RETREG1: variants seen among roughly 807,000 people sequenced by gnomAD.
The protein encoded by RETREG1 is reticulophagy regulator 1.
RETREG1 carries 44 observed loss-of-function variants against 54.8 expected under a neutral mutation model. That is an observed-to-expected ratio of 0.80 (90% CI 0.63 to 1.03). The LOEUF (loss-of-function observed/expected upper bound fraction) is 1.03, where lower values mean the gene tolerates loss of function less well. Ranked by LOEUF, RETREG1 falls within the 50% of genes least tolerant of loss-of-function variation. The pLI, the probability that RETREG1 is intolerant of heterozygous loss-of-function variation, is 0.00. For missense variants in RETREG1, 554 were observed against 605.1 expected, an observed-to-expected ratio of 0.92 and a Z score of 0.89; for synonymous variants, 217 against 238.5, an observed-to-expected ratio of 0.91 and a Z score of 0.83.
rs569154790 is a variant in RETREG1, at chr5:16,574,448, A to G, written c.321-2346T>C. Among the ~76,000 whole-genome samples, 65 of 152,332 alleles carry G rather than the reference A, an allele frequency of 4.3e-4. No homozygotes were observed. The South Asian group carries it at 6.0e-3, about 14-fold the overall frequency. On this transcript the variant is annotated intron_variant, in intron 1 of 8. Coordinates refer to ENST00000306320, the MANE Select transcript of RETREG1 (RefSeq NM_001034850.3). Reference sequence around the variant, plus strand: ...AGGAAGCATGGAGTCCAGACCACCTACTAGAAGGTCATGCAGTATGTTTGG... The same window carrying G: ...AGGAAGCATGGAGTCCAGACCACCTGCTAGAAGGTCATGCAGTATGTTTGG...
At chr5:16,586,676 C>T (rs985877027) in intron 1 of RETREG1, among the ~76,000 whole-genome samples, 2 of 152,166 alleles carry the variant, frequency 1.3e-5, no homozygotes, top group African/African-American at 2.4e-5. Context: ...CTAGAGAATG[C>T]GGTGTAACAG....
chr5:16,495,509 C>T (rs753262742), intron 3 of RETREG1, among the ~76,000 whole-genome samples: 1 of 152,202 alleles, frequency 6.6e-6, no homozygotes, highest in African/African-American at 2.4e-5. Flanking sequence ...GGACACTGCT[C>T]CCTATGTCCC....
intron 1 of RETREG1, among the ~76,000 whole-genome samples, chr5:16,577,419 T>G (rs1486281817): frequency 6.6e-6 from 1 of 151,988 alleles, no homozygotes; most frequent in East Asian, 1.9e-4. Context: ...AATCCCTGTC[T>G]AGTGGCTGAT....
intron 1 of RETREG1, among the ~76,000 whole-genome samples, chr5:16,605,572 G>A (rs593550): frequency 0.2 from 30,299 of 152,186 alleles, 3,340 homozygotes; most frequent in East Asian, 0.36. Flanking sequence ...TCAAACTAAG[G>A]TATCTCATTG....
intron 3 of RETREG1, chr5:16,508,888 A>G: frequency 7.7e-7 from 1 of 1,302,350 alleles, no homozygotes; most frequent in Non-Finnish European, 9.8e-7. Context: ...GTCACCTCTT[A>G]CTCCCAGTAC....
At position 16,550,274 on chromosome 5, in the gene RETREG1, T is replaced by TA. The variant is rs1307981920; in HGVS notation, c.458+15488_458+15489insT. On this transcript the variant is annotated intron_variant, in intron 3 of 8. Transcript: ENST00000306320. Reference sequence around the variant, plus strand: ...CTGCATAGTCCCTCCTCTTTAAAATTTAAAAAAAAAAAAGCGTTAAAGGAA... The same window carrying TA: ...CTGCATAGTCCCTCCTCTTTAAAATTATAAAAAAAAAAAAGCGTTAAAGGAA... Among the ~76,000 whole-genome samples the TA allele has an allele frequency of 2.6e-4, 18 of 69,804 alleles. No homozygotes were observed. In the East Asian group the frequency reaches 2.9e-3, roughly 11 times the overall value. The allele number at this position is 69,804 out of a possible 152,430, so 45.8% of individuals were successfully genotyped here.
intron 3 of RETREG1, among the ~76,000 whole-genome samples, chr5:16,519,991 G>A (rs2250531): frequency 8.6e-5 from 13 of 151,796 alleles, no homozygotes; most frequent in African/African-American, 2.9e-4. Context: ...CACCCCTACC[G>A]CCTGACCCTG....
chr5:16,517,995 A>C (rs897203455), intron 3 of RETREG1, among the ~76,000 whole-genome samples: 2 of 151,566 alleles, frequency 1.3e-5, no homozygotes, highest in African/African-American at 4.8e-5. Flanking sequence ...TATAGTTAGT[A>C]AAAGAGAGAG....
At position 16,524,843 on chromosome 5, in the gene RETREG1, C is replaced by T. The variant is rs145046994; in HGVS notation, c.458+40920G>A. On this transcript the variant is annotated intron_variant, in intron 3 of 8. Coordinates refer to ENST00000306320, the MANE Select transcript of RETREG1 (RefSeq NM_001034850.3). The stretch of plus-strand genomic sequence containing the variant: ...CCAGGAAACAACATGTGCTTGCACA[C>T]CCCTGCAGGTGGATGTGCGCGGGGG... Among the ~76,000 whole-genome samples the T allele has an allele frequency of 2.8e-3, 421 of 151,620 alleles. 10 individuals are homozygous for T. The highest frequency in any genetic ancestry group is 9.9e-3 in the African/African-American group (407 of 40,932).
intron 3 of RETREG1, among the ~76,000 whole-genome samples, chr5:16,558,923 C>A (rs74784857): frequency 6.6e-6 from 1 of 152,164 alleles, no homozygotes; most frequent in Non-Finnish European, 1.5e-5. Flanking sequence ...AAGTTCCATT[C>A]CTTAGAGGAG....
chr5:16,498,125 G>T (rs936276314), intron 3 of RETREG1, among the ~76,000 whole-genome samples: 1 of 152,128 alleles, frequency 6.6e-6, no homozygotes, highest in Admixed American at 6.5e-5. Context: ...ACAATATTTC[G>T]GAATGGAGAA....
At chr5:16,476,895 T>C (rs1301204135) in intron 8 of RETREG1, among the ~76,000 whole-genome samples, 4 of 152,200 alleles carry the variant, frequency 2.6e-5, no homozygotes, top group Non-Finnish European at 4.4e-5. Flanking sequence ...CATGTACCCC[T>C]GAACTTAAAA....
intron 1 of RETREG1, among the ~76,000 whole-genome samples, chr5:16,598,128 T>A (rs984946154): frequency 3.9e-5 from 6 of 152,018 alleles, no homozygotes; most frequent in African/African-American, 1.4e-4. Flanking sequence ...CTCCTCCCTC[T>A]GGACTTTCAC....
chr5:16,490,826 A>G (rs1247009747), intron 3 of RETREG1, among the ~76,000 whole-genome samples: 1 of 152,230 alleles, frequency 6.6e-6, no homozygotes, highest in Non-Finnish European at 1.5e-5. Context: ...AGGGAAGCAC[A>G]TTAGGGCAGT....
intron 3 of RETREG1, among the ~76,000 whole-genome samples, chr5:16,548,198 C>A (rs367594314): frequency 6.6e-6 from 1 of 152,040 alleles, no homozygotes; most frequent in African/African-American, 2.4e-5. Flanking sequence ...GTTATACGTC[C>A]ATACTCTCAC....
intron 3 of RETREG1, among the ~76,000 whole-genome samples, chr5:16,532,569 T>C (rs1266244745): frequency 2.6e-5 from 4 of 152,186 alleles, no homozygotes; most frequent in African/African-American, 9.6e-5. Flanking sequence ...TGTCACTTTT[T>C]ATTTTGCCAA....
chr5:16,583,914 A>C (rs1011820086), intron 1 of RETREG1, among the ~76,000 whole-genome samples: 8 of 152,238 alleles, frequency 5.3e-5, no homozygotes, highest in Admixed American at 1.3e-4. Flanking sequence ...TGGAGATCCA[A>C]AAATAGGGTT....
At position 16,579,595 on chromosome 5, in the gene RETREG1, C is replaced by G. The variant is rs572130506; in HGVS notation, c.321-7493G>C. Among the ~76,000 whole-genome samples, 168 of 152,312 alleles carry G rather than the reference C, an allele frequency of 1.1e-3. 2 individuals are homozygous for G. Among genetic ancestry groups the G allele is most frequent in the South Asian group, 7.3e-3 (35 of 4,826 alleles). On this transcript the variant is annotated intron_variant, in intron 1 of 8. Coordinates refer to ENST00000306320, the MANE Select transcript of RETREG1 (RefSeq NM_001034850.3). ...ATAGTTTTCTGGCCGTAAAAGTCCCCTGTCCTCCATCTATTCATCCCTGTC... is the reference window on the plus strand; with the variant it reads ...ATAGTTTTCTGGCCGTAAAAGTCCCGTGTCCTCCATCTATTCATCCCTGTC...
intron 3 of RETREG1, among the ~76,000 whole-genome samples, chr5:16,490,827 T>C (rs1194092673): frequency 6.6e-6 from 1 of 152,160 alleles, no homozygotes; most frequent in Admixed American, 6.5e-5. Flanking sequence ...GGGAAGCACA[T>C]TAGGGCAGTG....
Sources: allele counts gnomAD v4.1 joint callset (sites outside exome capture counted in the v4.1 genomes callset), GRCh38; gene constraint gnomAD v4.1.1; transcripts MANE v1.5; gene names NCBI Gene and HGNC (gene_info 2026-07-23, HGNC 2026-07-21).